The following ARHGAP32 variants were observed in gnomAD, a reference collection of about 807,000 sequenced individuals.
The protein encoded by ARHGAP32 is rho GTPase-activating protein 32.
Under a neutral mutation model 186.5 loss-of-function variants are expected in ARHGAP32, and 51 were observed. The observed-to-expected ratio is 0.27, with a 90% CI of 0.22 to 0.35. The LOEUF (loss-of-function observed/expected upper bound fraction) is 0.35, where lower values mean the gene tolerates loss of function less well. Among genes scored for constraint, ARHGAP32 ranks in the 10% least tolerant of loss-of-function variants. The pLI is 1.00. For synonymous variants in ARHGAP32, 950 were observed against 964.3 expected, an observed-to-expected ratio of 0.99 and a Z score of 0.27; for missense variants, 2,186 against 2,623.5, an observed-to-expected ratio of 0.83 and a Z score of 3.64.
chr11:129,077,966 G>C lies in ARHGAP32; in HGVS notation c.532-11098C>G, dbSNP rs1941099155. Among the ~76,000 whole-genome samples the C allele has an allele frequency of 2.0e-5, 3 of 152,110 alleles. No individual in the cohort carries two copies. In the South Asian group the frequency reaches 6.2e-4, roughly 32 times the overall value. ...CCTGTAACATCCTGGCTAACCACAG[G>C]ACCTGAGTCTGTCCACCTGACAACT... On this transcript the variant is annotated intron_variant, in intron 6 of 22. Transcript: ENST00000682385.
At chr11:129,061,060 T>C (rs1476162135) in intron 10 of ARHGAP32, among the ~76,000 whole-genome samples, 2 of 152,072 alleles carry the variant, frequency 1.3e-5, no homozygotes, top group Non-Finnish European at 2.9e-5. Context: ...TATTATGTTT[T>C]AATAAAAAAT....
At chr11:128,982,872 C>CA (rs1406185706) in intron 15 of ARHGAP32, among the ~76,000 whole-genome samples, 2 of 108,686 alleles carry the variant, frequency 1.8e-5, no homozygotes, top group Non-Finnish European at 3.4e-5. Context: ...GCCTGGGTGA[C>CA]AGAGTGAGAC....
At chr11:129,198,870 G>A (rs535533223) in intron 1 of ARHGAP32, among the ~76,000 whole-genome samples, 2 of 152,322 alleles carry the variant, frequency 1.3e-5, no homozygotes, top group East Asian at 3.9e-4. Context: ...GGGAAAGTTT[G>A]GAACTTCCTA....
chr11:129,101,637 A>T (rs977535948), intron 5 of ARHGAP32, among the ~76,000 whole-genome samples: 1 of 152,232 alleles, frequency 6.6e-6, no homozygotes, highest in South Asian at 2.1e-4. Context: ...GAAATAAGAC[A>T]GACAGACAAG....
chr11:129,207,696 C>T (rs986328183), intron 1 of ARHGAP32, among the ~76,000 whole-genome samples: 2 of 151,972 alleles, frequency 1.3e-5, no homozygotes, highest in East Asian at 3.9e-4. Flanking sequence ...TGCCTCTTCA[C>T]TCTAGCTTTA....
At chr11:129,197,305 G>A (rs773212049), upstream of ARHGAP32, among the ~76,000 whole-genome samples, 1 of 152,104 alleles carries the variant, frequency 6.6e-6, no homozygotes, top group Admixed American at 6.5e-5. Flanking sequence ...GTATACATTT[G>A]GGTTCACTAT....
intron 1 of ARHGAP32, among the ~76,000 whole-genome samples, chr11:129,166,512 A>G (rs891993715): frequency 2.6e-5 from 4 of 152,142 alleles, no homozygotes; most frequent in Admixed American, 6.5e-5. Context: ...AAGCAGCCAG[A>G]GAATTTTTTA....
At chr11:129,261,284 T>C (rs1037109077) in intron 1 of ARHGAP32, among the ~76,000 whole-genome samples, 2 of 152,152 alleles carry the variant, frequency 1.3e-5, no homozygotes, top group Non-Finnish European at 2.9e-5. Context: ...TTTTTTCACA[T>C]AAAATCAAGT....
chr11:129,182,137 A>C (rs1001169610), intron 1 of ARHGAP32, among the ~76,000 whole-genome samples: 3 of 152,138 alleles, frequency 2.0e-5, no homozygotes, highest in African/African-American at 4.8e-5. Context: ...TCCCCTGTGT[A>C]GCTATTCCTT....
chr11:129,019,979 C>T (rs1938527890), intron 11 of ARHGAP32, among the ~76,000 whole-genome samples: 1 of 151,942 alleles, frequency 6.6e-6, no homozygotes, highest in Non-Finnish European at 1.5e-5. Context: ...GTTTAGACCT[C>T]AGATTAGTAA....
chr11:129,247,305 T>G (rs753176996), intron 1 of ARHGAP32, among the ~76,000 whole-genome samples: 1 of 152,226 alleles, frequency 6.6e-6, no homozygotes, highest in Non-Finnish European at 1.5e-5. Flanking sequence ...ATGAGGCAAG[T>G]TGCCAGCAGT....
chr11:129,049,892 G>A lies in ARHGAP32; in HGVS notation c.964-8883C>T, dbSNP rs183783237. Among the ~76,000 whole-genome samples, 8 of 152,294 alleles carry A rather than the reference G, an allele frequency of 5.3e-5. No individual in the cohort carries two copies. In the East Asian group the frequency reaches 1.2e-3, roughly 22 times the overall value. ...TGCTTTTTCTGTAAACAGTTAGATC[G>A]TGTGGTAAGTGTACAGTAATTCCTC... On this transcript the variant is annotated intron_variant, in intron 10 of 22. Transcript: ENST00000682385.
At chr11:129,024,628 A>G (rs1367275895) in intron 11 of ARHGAP32, among the ~76,000 whole-genome samples, 1 of 152,208 alleles carries the variant, frequency 6.6e-6, no homozygotes, top group African/African-American at 2.4e-5. Flanking sequence ...TCTCTTATGC[A>G]ATTATTAGGG....
intron 22 of ARHGAP32, chr11:128,971,776 C>T (rs1261145943): frequency 6.6e-6 from 1 of 152,306 alleles, no homozygotes; most frequent in African/African-American, 2.4e-5. Context: ...ATCTTAAGTC[C>T]TATTAATAGT....
intron 6 of ARHGAP32, among the ~76,000 whole-genome samples, chr11:129,086,001 C>CAAAA (rs1456620031): frequency 2.3e-5 from 3 of 131,650 alleles, no homozygotes; most frequent in African/African-American, 8.6e-5. Context: ...CTCAAAAAAA[C>CAAAA]AAACAAACAA....
At chr11:129,063,777 A>T (rs576816751) in intron 9 of ARHGAP32, 125 bp downstream of exon 9, 5 of 1,119,536 alleles carry the variant, frequency 4.5e-6, no homozygotes, top group Non-Finnish European at 3.7e-6. Context: ...TGAAATATAA[A>T]AGACTATGGA....
At chr11:129,270,731 A>T (rs1255336102) in intron 1 of ARHGAP32, among the ~76,000 whole-genome samples, 2 of 142,196 alleles carry the variant, frequency 1.4e-5, no homozygotes, top group African/African-American at 2.8e-5. Flanking sequence ...TAGTCTACTT[A>T]AAAAAAAAAA....
chr11:129,205,171 T>C (rs1944500791), intron 1 of ARHGAP32, among the ~76,000 whole-genome samples: 1 of 152,150 alleles, frequency 6.6e-6, no homozygotes, highest in Non-Finnish European at 1.5e-5. Flanking sequence ...CTGATTTTGC[T>C]AGAACCAGAT....
rs139852631 is a variant in ARHGAP32, at chr11:128,969,231, G to T, written c.5982C>A (p.Pro1994=). The change falls in exon 23 of 23, where the codon CCC becomes CCA. Residue 1994 remains proline, a synonymous_variant. Transcript: ENST00000682385. The surrounding 1 kb of genome is among the most constrained non-coding windows in gnomAD (Gnocchi z 4.8). ...EEHLTQSIVP[P]PKPERSHSLK... ...GGCTATGACTCCTCTCTGGTTTAGG[G>T]GGTGGGACGATTGACTGAGTGAGGT... 1.5e-4 allele frequency: 243 copies of T among 1,614,110 alleles called. 1 individual carries two copies. The East Asian group carries it at 3.8e-3, about 25-fold the overall frequency.
Sources: gnomAD v4.1 joint callset for allele counts (sites outside exome capture counted in the v4.1 genomes callset) on GRCh38, gnomAD v4.1.1 for gene constraint, Gnocchi (gnomAD v3.1) non-coding constraint, MANE v1.5 for transcripts, NCBI Gene and HGNC (gene_info 2026-07-23, HGNC 2026-07-21) for gene names.